Variants in SPOCK1 observed in about 807,000 individuals in gnomAD.
SPOCK1 encodes testican-1.
A neutral mutation model predicts 55.3 loss-of-function variants in SPOCK1; 23 were observed. That is an observed-to-expected ratio of 0.42 (90% CI 0.30 to 0.59). SPOCK1 has a LOEUF of 0.59. SPOCK1 is among the 20% of genes least tolerant of loss of function. The probability of loss-of-function intolerance (pLI) is 0.22; values close to 1 mark genes in which losing one functional copy is unlikely to be tolerated. For synonymous variants in SPOCK1, 226 were observed against 221.0 expected, an observed-to-expected ratio of 1.02 and a Z score of -0.20; for missense variants, 499 against 552.5, an observed-to-expected ratio of 0.90 and a Z score of 0.97.
intron 2 of SPOCK1, among the ~76,000 whole-genome samples, chr5:137,474,183 A>G (rs1753790872): frequency 1.3e-5 from 2 of 152,198 alleles, no homozygotes; most frequent in South Asian, 4.1e-4. Context: ...TAAAGAAGTT[A>G]CATAACCAAA....
At chr5:137,235,128 C>T (rs74962117) in intron 3 of SPOCK1, among the ~76,000 whole-genome samples, 3,397 of 152,280 alleles carry the variant, frequency 0.022, 131 homozygotes, top group African/African-American at 0.077. Flanking sequence ...CTGAGGCTCC[C>T]AGGAAGATCT....
intron 3 of SPOCK1, among the ~76,000 whole-genome samples, chr5:137,193,753 T>C (rs1296234451): frequency 6.6e-6 from 1 of 152,156 alleles, no homozygotes; most frequent in Non-Finnish European, 1.5e-5. Flanking sequence ...CTGAATGGTG[T>C]CCATGAATAC....
intron 9 of SPOCK1, among the ~76,000 whole-genome samples, chr5:136,982,182 C>T (rs1750745284): frequency 6.6e-6 from 1 of 152,052 alleles, no homozygotes; most frequent in Non-Finnish European, 1.5e-5. Context: ...TGTCATTAAG[C>T]AAGGCATGTC....
At chr5:137,449,575 G>A (rs1414760175) in intron 2 of SPOCK1, among the ~76,000 whole-genome samples, 1 of 152,080 alleles carries the variant, frequency 6.6e-6, no homozygotes, top group Non-Finnish European at 1.5e-5. Context: ...TCTGTAAAAT[G>A]AGGCAAAACC....
chr5:137,351,619 G>A (rs1171681601), intron 2 of SPOCK1, among the ~76,000 whole-genome samples: 1 of 152,190 alleles, frequency 6.6e-6, no homozygotes, highest in African/African-American at 2.4e-5. Flanking sequence ...ATCTTGCAAA[G>A]GGGCCTGACA....
intron 2 of SPOCK1, among the ~76,000 whole-genome samples, chr5:137,303,686 G>T (rs929605401): frequency 6.6e-6 from 1 of 152,204 alleles, no homozygotes; most frequent in South Asian, 2.1e-4. Context: ...GGCAGGCAAG[G>T]CTTCAGGAGG....
intron 6 of SPOCK1, among the ~76,000 whole-genome samples, chr5:137,035,790 C>T (rs754313832): frequency 7.2e-5 from 11 of 152,230 alleles, no homozygotes; most frequent in Non-Finnish European, 1.5e-4. Flanking sequence ...CAGGAGACTA[C>T]TCAACTTGCC....
chr5:137,297,008 T>C (rs549019529), intron 2 of SPOCK1, among the ~76,000 whole-genome samples: 3 of 152,338 alleles, frequency 2.0e-5, no homozygotes, highest in Non-Finnish European at 4.4e-5. Flanking sequence ...TGTGTATATA[T>C]GTACAAACAC....
intron 3 of SPOCK1, among the ~76,000 whole-genome samples, chr5:137,254,836 G>C (rs955904762): frequency 6.6e-6 from 1 of 152,216 alleles, no homozygotes; most frequent in South Asian, 2.1e-4. Flanking sequence ...GACTGGCTCT[G>C]CCTGCCACTT....
At chr5:137,354,091 T>C (rs1750739316) in intron 2 of SPOCK1, among the ~76,000 whole-genome samples, 1 of 152,154 alleles carries the variant, frequency 6.6e-6, no homozygotes, top group South Asian at 2.1e-4. Context: ...CACATCTCCC[T>C]GACTCCAACA....
At chr5:137,211,869 C>G (rs541228547) in intron 3 of SPOCK1, among the ~76,000 whole-genome samples, 1 of 152,146 alleles carries the variant, frequency 6.6e-6, no homozygotes, top group African/African-American at 2.4e-5. Flanking sequence ...ATGGAAGCCC[C>G]GCCCCCTGCC....
At chr5:137,136,327 G>A (rs79580131) in intron 4 of SPOCK1, among the ~76,000 whole-genome samples, 2,488 of 152,150 alleles carry the variant, frequency 0.016, 39 homozygotes, top group Middle Eastern at 0.027. Flanking sequence ...TTGAGCCCAG[G>A]AGTTCAAGGT....
At chr5:137,269,047 C>A (rs1432337618) in intron 2 of SPOCK1, among the ~76,000 whole-genome samples, 1 of 114,338 alleles carries the variant, frequency 8.7e-6, no homozygotes, top group Non-Finnish European at 1.9e-5. Context: ...AAGCATTCTT[C>A]TGGACCTTGC....
chr5:137,040,372 C>T (rs1367205963), intron 6 of SPOCK1, among the ~76,000 whole-genome samples: 3 of 152,222 alleles, frequency 2.0e-5, no homozygotes, highest in South Asian at 2.1e-4. Context: ...ACTGTGGCTA[C>T]AAATTCATCA....
At chr5:137,409,209 A>G (rs1561527935) in intron 2 of SPOCK1, among the ~76,000 whole-genome samples, 2 of 152,180 alleles carry the variant, frequency 1.3e-5, no homozygotes, top group Non-Finnish European at 2.9e-5. Flanking sequence ...TTCTTTATGA[A>G]AAGCCTGGAA....
chr5:137,207,568 T>C (rs1299548435), intron 3 of SPOCK1, among the ~76,000 whole-genome samples: 1 of 152,060 alleles, frequency 6.6e-6, no homozygotes, highest in Non-Finnish European at 1.5e-5. Context: ...TGTGAGATGG[T>C]AAATGGAGAC....
At chr5:137,283,310 A>G (rs185207125) in intron 2 of SPOCK1, among the ~76,000 whole-genome samples, 10 of 152,314 alleles carry the variant, frequency 6.6e-5, no homozygotes, top group African/African-American at 2.2e-4. Flanking sequence ...CTCACATGTT[A>G]TAAGTGATCC....
At chr5:137,178,366 T>C (rs751395195) in intron 3 of SPOCK1, among the ~76,000 whole-genome samples, 46 of 152,212 alleles carry the variant, frequency 3.0e-4, no homozygotes, top group Admixed American at 5.9e-4. Context: ...AGTAGCACTG[T>C]TGGGGCAGCA....
At chr5:137,112,215 C>T (rs759196005) in intron 5 of SPOCK1, among the ~76,000 whole-genome samples, 18 of 152,188 alleles carry the variant, frequency 1.2e-4, no homozygotes, top group Admixed American at 4.6e-4. Flanking sequence ...ACCATCCCTT[C>T]TTCTTCCCCT....
Sources: allele counts gnomAD v4.1 joint callset (sites outside exome capture counted in the v4.1 genomes callset), GRCh38; gene constraint gnomAD v4.1.1; transcripts MANE v1.5; gene names NCBI Gene and HGNC (gene_info 2026-07-23, HGNC 2026-07-21).